COL22A1: variants seen among roughly 807,000 people sequenced by gnomAD.
The protein encoded by COL22A1 is collagen type XXII alpha 1 chain.
Under a neutral mutation model 248.9 loss-of-function variants are expected in COL22A1, and 221 were observed. The ratio of observed to expected loss-of-function variants is 0.89; its 90% CI spans 0.80 to 0.99. The LOEUF (loss-of-function observed/expected upper bound fraction) is 0.99. COL22A1 is among the 50% of genes least tolerant of loss of function. COL22A1 has a pLI of 0.00. For synonymous variants in COL22A1, 891 were observed against 793.4 expected (o/e 1.12, Z -2.07); for missense variants, 2,240 against 2,179.0 (o/e 1.03, Z -0.56).
At chr8:138,707,997 A>G (rs1166560569) in intron 30 of COL22A1, among the ~76,000 whole-genome samples, 1 of 152,114 alleles carries the variant, frequency 6.6e-6, no homozygotes, top group African/African-American at 2.4e-5. Flanking sequence ...CAATAACAGA[A>G]AAACAGAGAG....
intron 45 of COL22A1, among the ~76,000 whole-genome samples, chr8:138,650,179 T>C (rs1822576023): frequency 2.0e-5 from 3 of 152,322 alleles, no homozygotes; most frequent in South Asian, 4.1e-4. Context: ...CTGTCCCTGA[T>C]GTTAGAGGCC....
At position 138,846,196 on chromosome 8, in the gene COL22A1, G is replaced by T. The variant is rs140496245; in HGVS notation, c.659-2038C>A. On this transcript the variant is annotated intron_variant, in intron 3 of 64. Transcript: ENST00000303045. ...AGCTCTACCCAGGACAGCAGCAGCT[G>T]TGGGGTGACGATCAATTGCTTTAAG... 1.4e-3 allele frequency among the ~76,000 whole-genome samples: 217 copies of T among 152,340 alleles called. 1 individual carries two copies. Among genetic ancestry groups the T allele is most frequent in the African/African-American group, 4.6e-3 (192 of 41,572 alleles).
At chr8:138,670,960 CAAA>C (rs60845059) in intron 41 of COL22A1, among the ~76,000 whole-genome samples, 3,615 of 55,460 alleles carry the variant, frequency 0.065, 134 homozygotes, top group Middle Eastern at 0.17. Flanking sequence ...GACCTTGTCT[CAAA>C]AAAAAAAAAA....
chr8:138,800,284 C>T (rs765802243), intron 11 of COL22A1, among the ~76,000 whole-genome samples: 6 of 152,174 alleles, frequency 3.9e-5, no homozygotes, highest in Non-Finnish European at 5.9e-5. Context: ...GAGGTTGCAC[C>T]TCCACCCTGT....
chr8:138,811,294 C>T (rs1189506861), intron 9 of COL22A1, among the ~76,000 whole-genome samples: 45 of 129,208 alleles, frequency 3.5e-4, no homozygotes, highest in Middle Eastern at 8.6e-3. Context: ...CACACACACA[C>T]ATATATATAT....
rs535335023 is a variant in COL22A1 at position 138,809,079 on chromosome 8, T to TA, written c.1450-1268dup. Among the ~76,000 whole-genome samples, 101 of 151,548 alleles carry TA rather than the reference T, an allele frequency of 6.7e-4. 1 individual carries two copies. Among genetic ancestry groups the TA allele is most frequent in the South Asian group, 5.2e-3 (25 of 4,804 alleles). On this transcript the variant is annotated intron_variant, in intron 9 of 64. Transcript: ENST00000303045. ...CCCCTGTGTTGTATTTTTTTTTTTT[T>TA]ATTGAAACGAAGATGAAAGAGACAG...
chr8:138,639,526 G>A, intron 47 of COL22A1, among the ~76,000 whole-genome samples: 1 of 152,198 alleles, frequency 6.6e-6, no homozygotes, highest in East Asian at 1.9e-4. Context: ...CTCTTCAGAA[G>A]AGGTTTATTA....
chr8:138,611,776 G>T (rs2131883986), intron 56 of COL22A1, among the ~76,000 whole-genome samples: 1 of 152,290 alleles, frequency 6.6e-6, no homozygotes, highest in Non-Finnish European at 1.5e-5. Flanking sequence ...GACTCTACCT[G>T]CTAAGTTCTG....
intron 5 of COL22A1, among the ~76,000 whole-genome samples, chr8:138,829,660 G>A (rs759130435): frequency 3.3e-5 from 5 of 151,954 alleles, no homozygotes; most frequent in Admixed American, 1.3e-4. Context: ...GGCTGGTCTC[G>A]AACCCTGGAC....
chr8:138,885,118 C>T (rs1159972141), intron 1 of COL22A1, among the ~76,000 whole-genome samples: 2 of 152,156 alleles, frequency 1.3e-5, no homozygotes, highest in South Asian at 4.1e-4. Context: ...GCCCTGCCTA[C>T]CCACTGTGCC....
chr8:138,619,332 T>A, intron 53 of COL22A1, 123 bp downstream of exon 53: 1 of 763,980 alleles, frequency 1.3e-6, no homozygotes, highest in Non-Finnish European at 2.2e-6. Flanking sequence ...CACAGCCGTC[T>A]GGAGGAGAAG....
intron 57 of COL22A1, among the ~76,000 whole-genome samples, chr8:138,607,270 T>G (rs1227653969): frequency 1.3e-5 from 2 of 152,210 alleles, no homozygotes; most frequent in Non-Finnish European, 2.9e-5. Context: ...GGTGGCCTTC[T>G]GAGTCAGGCA....
rs1247135505 is a variant in COL22A1, at chr8:138,693,593, C to T, written c.2754+53G>A. ...GCCATAGAGCAGAGCAGACACTGGG[C>T]GGGGCCTCCCTCCGGGGCTCCCCCA... On this transcript the variant is annotated intron_variant, in intron 35 of 64. Transcript: ENST00000303045. 1.0e-5 allele frequency: 16 copies of T among 1,526,532 alleles called. 1 individual carries two copies. The highest frequency in any genetic ancestry group is 6.0e-5 in the South Asian group (5 of 83,650). The allele number at this position is 1,526,532 out of a possible 1,614,324, so 94.6% of individuals were successfully genotyped here.
rs1040133952 is a variant in COL22A1, at chr8:138,634,373, G to A, written c.3609+637C>T. Among the ~76,000 whole-genome samples, 4 of 152,190 alleles carry A rather than the reference G, an allele frequency of 2.6e-5. No individual in the cohort carries two copies. In the South Asian group the frequency reaches 8.3e-4, roughly 32 times the overall value. On this transcript the variant is annotated intron_variant, in intron 49 of 64. Coordinates refer to ENST00000303045, the MANE Select transcript of COL22A1 (RefSeq NM_152888.3). ...ATGTGGAACCCATGGGAAATCCCAGGGGACTGGTCCTGGGCTTGGCAGGAA... is the reference window on the plus strand; with the variant it reads ...ATGTGGAACCCATGGGAAATCCCAGAGGACTGGTCCTGGGCTTGGCAGGAA...
At chr8:138,616,856 C>A (rs909664982) in intron 54 of COL22A1, 58 bp downstream of exon 54, 1 of 1,593,974 alleles carries the variant, frequency 6.3e-7, no homozygotes, top group Non-Finnish European at 8.6e-7. Flanking sequence ...TATCTTCTGT[C>A]TGGGAAGTGT....
At chr8:138,855,986 C>T (rs2131928184) in intron 3 of COL22A1, among the ~76,000 whole-genome samples, 1 of 152,270 alleles carries the variant, frequency 6.6e-6, no homozygotes, top group Admixed American at 6.5e-5. Context: ...TAGAGGGAGA[C>T]TTTAAACAAA....
chr8:138,895,738 C>T (rs1361485280), intron 1 of COL22A1, among the ~76,000 whole-genome samples: 1 of 152,068 alleles, frequency 6.6e-6, no homozygotes, highest in Non-Finnish European at 1.5e-5. Flanking sequence ...GAGTACGGAG[C>T]TCAAAAACTT....
At chr8:138,789,467 G>A (rs11990315) in intron 12 of COL22A1, among the ~76,000 whole-genome samples, 3,397 of 152,262 alleles carry the variant, frequency 0.022, 124 homozygotes, top group African/African-American at 0.078. Flanking sequence ...CATGAACAAA[G>A]AGAAAAGGAC....
chr8:138,686,361 C>T (rs186194122), intron 37 of COL22A1, among the ~76,000 whole-genome samples: 5 of 152,326 alleles, frequency 3.3e-5, no homozygotes, highest in East Asian at 1.9e-4. Context: ...TTGAGCCCCG[C>T]GAACCAGACG....
Sources: gnomAD v4.1 joint callset for allele counts (sites outside exome capture counted in the v4.1 genomes callset) on GRCh38, gnomAD v4.1.1 for gene constraint, MANE v1.5 for transcripts, NCBI Gene and HGNC (gene_info 2026-07-23, HGNC 2026-07-21) for gene names.